Variants in RNF150 observed in about 807,000 individuals in gnomAD.
RNF150 encodes ring finger protein 150.
In RNF150, 24 loss-of-function variants were observed where a neutral mutation model predicts 39.3. The ratio of observed to expected loss-of-function variants is 0.61; its 90% confidence interval spans 0.44 to 0.86. The LOEUF is 0.86. Ranked by LOEUF, RNF150 falls within the 40% of genes least tolerant of loss-of-function variation. The pLI is 0.00. For missense variants in RNF150, 502 were observed against 587.8 expected, an observed-to-expected ratio of 0.85 and a Z score of 1.51; for synonymous variants, 255 against 227.3, an observed-to-expected ratio of 1.12 and a Z score of -1.10.
At chr4:140,927,596 G>C (rs1454446796) in intron 4 of RNF150, among the ~76,000 whole-genome samples, 1 of 151,908 alleles carries the variant, frequency 6.6e-6, no homozygotes, top group South Asian at 2.1e-4. Flanking sequence ...CCAGCATCAT[G>C]CTTCCTATAG....
At chr4:140,954,802 C>T (rs1285878123) in intron 2 of RNF150, among the ~76,000 whole-genome samples, 10 of 151,962 alleles carry the variant, frequency 6.6e-5, no homozygotes, top group South Asian at 2.1e-4. Flanking sequence ...TTTCCTCTTC[C>T]TCTGTTCTGT....
intron 1 of RNF150, among the ~76,000 whole-genome samples, chr4:141,172,804 C>A (rs975591675): frequency 1.3e-5 from 2 of 152,166 alleles, no homozygotes; most frequent in Non-Finnish European, 2.9e-5. Flanking sequence ...GTGGGCAGAT[C>A]ACCTGAGGTC....
At chr4:141,178,642 G>C (rs911723182) in intron 1 of RNF150, among the ~76,000 whole-genome samples, 1 of 152,096 alleles carries the variant, frequency 6.6e-6, no homozygotes, top group Non-Finnish European at 1.5e-5. Context: ...TAGGGTTAGT[G>C]GGGGAGCGGG....
rs534514572 is a variant in RNF150, at chr4:141,034,140, C to T, written c.485-66267G>A. On this transcript the variant is annotated intron_variant, in intron 1 of 6. Coordinates refer to ENST00000515673, the MANE Select transcript of RNF150 (RefSeq NM_020724.2). ...TTTAAAATCTATTGTTTAGTGAAGC[C>T]CCCTTCAATTATCCTAGCTGGATCT... 3.9e-4 allele frequency among the ~76,000 whole-genome samples: 60 copies of T among 152,232 alleles called. No individual in the cohort carries two copies. In the South Asian group the frequency reaches 0.012, roughly 31 times the overall value.
intron 6 of RNF150, among the ~76,000 whole-genome samples, chr4:140,870,069 T>C (rs926395545): frequency 6.6e-6 from 1 of 152,188 alleles, no homozygotes; most frequent in African/African-American, 2.4e-5. Flanking sequence ...ATACCTGAGT[T>C]TCATGAAGGA....
At chr4:141,047,691 A>C (rs1178555510) in intron 1 of RNF150, among the ~76,000 whole-genome samples, 1 of 152,156 alleles carries the variant, frequency 6.6e-6, no homozygotes, top group East Asian at 1.9e-4. Context: ...AGGATTTTCC[A>C]AGGATCACAA....
In RNF150 at chr4:141,203,519, C is replaced by T. The variant is rs1015928454; in HGVS notation, c.-6+9275G>A. On this transcript the variant is annotated intron_variant, in intron 1 of 7. Transcript: ENST00000420921. ...TAATGTGCTCTGGTCACCATTTCCT[C>T]CTCCTTCAGCCTTTAGATAGACAAG... 3.9e-5 allele frequency among the ~76,000 whole-genome samples: 6 copies of T among 152,020 alleles called. No individual in the cohort carries two copies. The South Asian group carries it at 1.2e-3, about 32-fold the overall frequency.
chr4:140,881,685 G>C (rs1729378652), intron 6 of RNF150, among the ~76,000 whole-genome samples: 5 of 152,220 alleles, frequency 3.3e-5, no homozygotes, highest in African/African-American at 1.2e-4. Context: ...GACCAGGCTG[G>C]GCAACATAAT....
At chr4:141,176,009 C>T (rs1727804317) in intron 1 of RNF150, among the ~76,000 whole-genome samples, 3 of 151,916 alleles carry the variant, frequency 2.0e-5, no homozygotes, top group South Asian at 2.1e-4. Flanking sequence ...CTCAGCTTCT[C>T]GAGTAGCTGA....
chr4:140,911,522 TA>T (rs1490431313), intron 5 of RNF150, among the ~76,000 whole-genome samples, 168 bp from the exon 6 acceptor site: 3 of 152,164 alleles, frequency 2.0e-5, no homozygotes, highest in African/African-American at 7.2e-5. Context: ...AAGATTAACA[TA>T]AAAAGATCTT....
chr4:140,863,171 T>C lies in RNF150; in HGVS notation c.*5090A>G, dbSNP rs1305167913. The C allele has an allele frequency of 1.3e-5, 2 of 152,220 alleles. No individual in the cohort carries two copies. Among genetic ancestry groups the C allele is most frequent in the Admixed American group, 6.5e-5 (1 of 15,282 alleles). 9.4% of individuals were successfully genotyped at this position (152,220 alleles called of 1,614,324 possible). On this transcript the variant is annotated 3_prime_UTR_variant, in exon 7 of 7. Transcript: ENST00000515673. ...AATGGGCATTCCATCAGGTACAGTA[T>C]ACAAGTTTTTCCAAGAAATCCTAAC... is the stretch of plus-strand genomic sequence containing the variant.
chr4:141,203,145 CG>C (rs1728316757), intron 1 of RNF150, among the ~76,000 whole-genome samples: 1 of 118,182 alleles, frequency 8.5e-6, no homozygotes, highest in African/African-American at 3.2e-5. Flanking sequence ...ATCTTGGAGA[CG>C]ATATATATAT....
At chr4:141,070,195 T>C (rs1737636375) in intron 1 of RNF150, among the ~76,000 whole-genome samples, 1 of 152,226 alleles carries the variant, frequency 6.6e-6, no homozygotes, top group Non-Finnish European at 1.5e-5. Context: ...AAGCTGAAAC[T>C]GGATCCCTTC....
At chr4:141,094,739 C>T (rs1217731942) in intron 1 of RNF150, among the ~76,000 whole-genome samples, 4 of 152,214 alleles carry the variant, frequency 2.6e-5, no homozygotes. Context: ...CCCACAGACT[C>T]TCAGCAGAGA....
intron 1 of RNF150, among the ~76,000 whole-genome samples, chr4:141,164,935 T>G (rs1388367666): frequency 6.6e-6 from 1 of 152,100 alleles, no homozygotes; most frequent in East Asian, 1.9e-4. Flanking sequence ...CAGAATCAAA[T>G]TCACACATAA....
chr4:141,203,550 C>T (rs1382016033), intron 1 of RNF150, among the ~76,000 whole-genome samples: 1 of 151,918 alleles, frequency 6.6e-6, no homozygotes. Flanking sequence ...ACAAGGATTA[C>T]TTCAACTTAG....
In RNF150 at chr4:140,923,106, CA is replaced by C. The variant is rs574641405; in HGVS notation, c.987+2870del. Among the ~76,000 whole-genome samples the C allele has an allele frequency of 2.0e-3, 310 of 151,398 alleles. 1 individual carries two copies. Among genetic ancestry groups the C allele is most frequent in the African/African-American group, 6.9e-3 (281 of 40,892 alleles). Reference sequence around the variant, plus strand: ...CACCAAAAGCAATGGCAACAAAAGCCAAAATTGACAAATGGGATCTAATTAA... The same window carrying C: ...CACCAAAAGCAATGGCAACAAAAGCCAAATTGACAAATGGGATCTAATTAA... On this transcript the variant is annotated intron_variant, in intron 5 of 6. Transcript: ENST00000515673.
intron 1 of RNF150, among the ~76,000 whole-genome samples, chr4:141,050,215 G>A (rs149475002): frequency 8.5e-5 from 13 of 152,192 alleles, no homozygotes; most frequent in Non-Finnish European, 1.6e-4. Flanking sequence ...GGTTGTGTGT[G>A]TGAGATTTTT....
chr4:140,883,082 G>A (rs1385718899), intron 6 of RNF150, among the ~76,000 whole-genome samples: 1 of 151,068 alleles, frequency 6.6e-6, no homozygotes, highest in Non-Finnish European at 1.5e-5. Flanking sequence ...TTTCTTTGTG[G>A]TTACTATAGA....
Sources: allele counts gnomAD v4.1 joint callset (sites outside exome capture counted in the v4.1 genomes callset), GRCh38; gene constraint gnomAD v4.1.1; transcripts MANE v1.5; gene names NCBI Gene and HGNC (gene_info 2026-07-23, HGNC 2026-07-21).